SAXO1: variants seen among roughly 807,000 people sequenced by gnomAD.
The protein encoded by SAXO1 is stabilizer of axonemal microtubules 1.
A neutral mutation model predicts 17.5 loss-of-function variants in SAXO1; 21 were observed. The observed-to-expected ratio is 1.20, with a 90% confidence interval of 0.85 to 1.72. The LOEUF is 1.72. SAXO1 is among the 40% of genes most tolerant of loss of function. The pLI, the probability that SAXO1 is intolerant of heterozygous loss-of-function variation, is 0.00. For missense variants in SAXO1, 843 were observed against 596.0 expected (o/e 1.41, Z -4.32); for synonymous variants, 274 against 216.5 (o/e 1.27, Z -2.33).
intron 1 of SAXO1, among the ~76,000 whole-genome samples, chr9:18,993,683 A>G (rs1250514746): frequency 6.6e-6 from 1 of 152,208 alleles, no homozygotes; most frequent in Admixed American, 6.5e-5. Flanking sequence ...GAAAGGGGGT[A>G]TAAGGTAAGA....
rs190549872 is a variant in SAXO1, at chr9:18,930,577, G to A, written c.422-1522C>T. On this transcript the variant is annotated intron_variant, in intron 3 of 3. Coordinates refer to ENST00000380534, the MANE Select transcript of SAXO1 (RefSeq NM_153707.4). Reference sequence around the variant, plus strand: ...TGCAATGGCACAATCTCAGCTCACCGCAACCTCCACCTCCCAGGTTCAAGC... The same window carrying A: ...TGCAATGGCACAATCTCAGCTCACCACAACCTCCACCTCCCAGGTTCAAGC... Among the ~76,000 whole-genome samples, 466 of 151,506 alleles carry A rather than the reference G, an allele frequency of 3.1e-3. 4 individuals carry two copies. The highest frequency in any genetic ancestry group is 0.011 in the African/African-American group (442 of 41,308).
upstream of SAXO1, among the ~76,000 whole-genome samples, chr9:19,034,129 G>C (rs558188360): frequency 2.0e-5 from 3 of 152,314 alleles, no homozygotes; most frequent in Admixed American, 2.0e-4. Context: ...TCCTGCTTAT[G>C]GGAAATGGGA....
upstream of SAXO1, among the ~76,000 whole-genome samples, chr9:19,035,880 CA>C (rs370670806): frequency 5.1e-4 from 77 of 152,296 alleles, no homozygotes; most frequent in African/African-American, 1.8e-3. Flanking sequence ...AAGCATTTAA[CA>C]GGTGACTTGG....
chr9:18,999,936 A>C (rs1026306215), intron 1 of SAXO1, among the ~76,000 whole-genome samples: 69 of 37,574 alleles, frequency 1.8e-3, no homozygotes, highest in Admixed American at 4.2e-3. Flanking sequence ...GGCCGCCACA[A>C]CATCTGGGAA....
intron 1 of SAXO1, among the ~76,000 whole-genome samples, chr9:19,024,964 T>C (rs1289046635): frequency 6.6e-6 from 1 of 152,216 alleles, no homozygotes; most frequent in Non-Finnish European, 1.5e-5. Flanking sequence ...TAAGGTCGAA[T>C]AGATCATGTT....
intron 1 of SAXO1, among the ~76,000 whole-genome samples, chr9:19,029,977 T>G (rs886572749): frequency 1.3e-5 from 2 of 152,272 alleles, no homozygotes; most frequent in African/African-American, 4.8e-5. Context: ...CACACAAAAA[T>G]AGAAAATATC....
At chr9:18,995,952 G>C (rs537553379) in intron 1 of SAXO1, among the ~76,000 whole-genome samples, 210 of 152,004 alleles carry the variant, frequency 1.4e-3, no homozygotes, top group African/African-American at 4.9e-3. Flanking sequence ...GGTGGTGTAC[G>C]CCTGTAATCC....
chr9:18,930,057 G>T (rs7853022), intron 3 of SAXO1, among the ~76,000 whole-genome samples: 127,441 of 152,138 alleles, frequency 0.84, 53,471 homozygotes, highest in Middle Eastern at 0.89. Flanking sequence ...GGCTAGTGAG[G>T]TGAGTTGGAA....
intron 1 of SAXO1, among the ~76,000 whole-genome samples, chr9:18,990,475 G>A (rs556320093): frequency 2.4e-4 from 36 of 152,302 alleles, no homozygotes; most frequent in Admixed American, 3.9e-4. Context: ...GGAGGCCAAG[G>A]TAGGAGAATT....
At chr9:19,011,204 C>A (rs564353867) in intron 1 of SAXO1, among the ~76,000 whole-genome samples, 2 of 152,330 alleles carry the variant, frequency 1.3e-5, no homozygotes, top group South Asian at 4.1e-4. Context: ...TAAATACATG[C>A]GTGACTGAAC....
chr9:19,027,282 C>A, intron 1 of SAXO1: 2 of 910,234 alleles, frequency 2.2e-6, no homozygotes, highest in Non-Finnish European at 3.7e-6. Flanking sequence ...AAAGCTAAAG[C>A]CAGGAGACCT....
chr9:18,932,699 A>C (rs1831106788), intron 3 of SAXO1, among the ~76,000 whole-genome samples: 1 of 152,154 alleles, frequency 6.6e-6, no homozygotes, highest in African/African-American at 2.4e-5. Flanking sequence ...TTCAGATTTT[A>C]ATTTCTCCCA....
intron 1 of SAXO1, among the ~76,000 whole-genome samples, chr9:19,022,921 C>G (rs540948245): frequency 9.2e-5 from 14 of 152,246 alleles, no homozygotes; most frequent in African/African-American, 3.4e-4. Flanking sequence ...TCCCCAGAGT[C>G]ATTGTTTTGA....
chr9:18,970,258 A>C (rs1832897980), intron 1 of SAXO1, among the ~76,000 whole-genome samples: 1 of 152,226 alleles, frequency 6.6e-6, no homozygotes, highest in African/African-American at 2.4e-5. Flanking sequence ...ATACCATGTT[A>C]ATTTCTACCA....
At chr9:18,936,443 G>A (rs1588404833) in intron 3 of SAXO1, among the ~76,000 whole-genome samples, 1 of 152,156 alleles carries the variant, frequency 6.6e-6, no homozygotes, top group African/African-American at 2.4e-5. Flanking sequence ...GGTACTTGGG[G>A]GTGGGGAGGA....
intron 1 of SAXO1, among the ~76,000 whole-genome samples, chr9:19,014,173 A>T (rs1009546295): frequency 2.6e-5 from 4 of 152,092 alleles, no homozygotes; most frequent in Non-Finnish European, 5.9e-5. Flanking sequence ...TTAAATTGGC[A>T]AAAATCACCG....
chr9:18,943,629 C>T (rs1446382235), intron 2 of SAXO1, among the ~76,000 whole-genome samples: 1 of 152,246 alleles, frequency 6.6e-6, no homozygotes, highest in African/African-American at 2.4e-5. Flanking sequence ...GCTCTCCTCA[C>T]TCTCAGAAGG....
intron 1 of SAXO1, among the ~76,000 whole-genome samples, chr9:18,972,188 T>A (rs554900166): frequency 6.6e-6 from 1 of 152,326 alleles, no homozygotes; most frequent in East Asian, 1.9e-4. Context: ...GATATACACA[T>A]ACAATGGGCA....
At chr9:18,991,111 A>G (rs1336303296) in intron 1 of SAXO1, among the ~76,000 whole-genome samples, 1 of 152,082 alleles carries the variant, frequency 6.6e-6, no homozygotes, top group African/African-American at 2.4e-5. Flanking sequence ...CACAAAAACT[A>G]GACATGCAAG....
Sources: gnomAD v4.1 joint callset for allele counts (sites outside exome capture counted in the v4.1 genomes callset) on GRCh38, gnomAD v4.1.1 for gene constraint, MANE v1.5 for transcripts, NCBI Gene and HGNC (gene_info 2026-07-23, HGNC 2026-07-21) for gene names.